MACROD1: variants seen among roughly 807,000 people sequenced by gnomAD.
MACROD1 encodes the protein ADP-ribose glycohydrolase MACROD1.
In MACROD1, 31 loss-of-function variants were observed where a neutral mutation model predicts 41.4. The observed-to-expected ratio is 0.75, with a 90% CI of 0.56 to 1.01. The LOEUF (loss-of-function observed/expected upper bound fraction) is 1.01, where lower values mean the gene tolerates loss of function less well. Among genes scored for constraint, MACROD1 ranks in the 50% least tolerant of loss-of-function variants. The pLI is 0.00. For synonymous variants in MACROD1, 252 were observed against 203.4 expected (o/e 1.24, Z -2.03); for missense variants, 473 against 460.0 (o/e 1.03, Z -0.26).
chr11:64,116,970 G>A (rs1412780216), intron 3 of MACROD1: 1 of 1,611,834 alleles, frequency 6.2e-7, no homozygotes, highest in Non-Finnish European at 8.5e-7. Flanking sequence ...TAACCTGCTG[G>A]CCAACCAGCG....
chr11:64,141,733 G>A (rs1945417090), intron 3 of MACROD1, among the ~76,000 whole-genome samples: 1 of 152,270 alleles, frequency 6.6e-6, no homozygotes, highest in African/African-American at 2.4e-5. Flanking sequence ...GAGGCCTCAA[G>A]GACAGGAAGG....
At chr11:64,021,018 C>A (rs1286152230) in intron 3 of MACROD1, among the ~76,000 whole-genome samples, 1 of 152,204 alleles carries the variant, frequency 6.6e-6, no homozygotes, top group Admixed American at 6.5e-5. Context: ...CGCCCGGCCC[C>A]CAGGTGCTTA....
At chr11:64,028,553 C>T (rs1262791055) in intron 3 of MACROD1, among the ~76,000 whole-genome samples, 1 of 152,250 alleles carries the variant, frequency 6.6e-6, no homozygotes, top group Non-Finnish European at 1.5e-5. Flanking sequence ...GCCTCAGCCC[C>T]TCTGCTCCCT....
intron 3 of MACROD1, among the ~76,000 whole-genome samples, chr11:64,052,337 AAG>A (rs1943710520): frequency 6.6e-6 from 1 of 152,150 alleles, no homozygotes. Context: ...TGACCCTGGA[AAG>A]AGTTTTTAAA....
intron 3 of MACROD1, among the ~76,000 whole-genome samples, chr11:64,150,121 C>T (rs969278843): frequency 5.3e-5 from 8 of 152,230 alleles, no homozygotes; most frequent in African/African-American, 9.6e-5. Context: ...AGTGGGAAGA[C>T]GCATAGAGCA....
At chr11:64,049,658 C>T (rs377141322) in intron 3 of MACROD1, among the ~76,000 whole-genome samples, 8 of 152,328 alleles carry the variant, frequency 5.3e-5, no homozygotes, top group Non-Finnish European at 7.4e-5. Flanking sequence ...AGGGGGTGGA[C>T]GCTGGGGGTG....
chr11:64,098,862 C>G (rs1158090978), intron 3 of MACROD1, among the ~76,000 whole-genome samples: 1 of 152,208 alleles, frequency 6.6e-6, no homozygotes, highest in East Asian at 1.9e-4. Flanking sequence ...GGGTTTCTAG[C>G]AGCACATACC....
chr11:64,065,590 C>T (rs1474163442), intron 3 of MACROD1, among the ~76,000 whole-genome samples: 3 of 151,280 alleles, frequency 2.0e-5, no homozygotes, highest in East Asian at 1.9e-4. Flanking sequence ...GAGATCAAGA[C>T]CATCCTGGCT....
intron 3 of MACROD1, among the ~76,000 whole-genome samples, chr11:64,060,968 C>A (rs901523324): frequency 6.6e-6 from 1 of 151,866 alleles, no homozygotes; most frequent in African/African-American, 2.4e-5. Flanking sequence ...GCTCCCGGGC[C>A]GCCAGGCGAC....
At chr11:64,104,003 C>T (rs989070424) in intron 3 of MACROD1, 20 of 152,328 alleles carry the variant, frequency 1.3e-4, no homozygotes, top group African/African-American at 4.8e-4. Flanking sequence ...GCCCAGTCAC[C>T]CCAGGGCTGA....
intron 3 of MACROD1, among the ~76,000 whole-genome samples, chr11:64,101,522 T>C (rs1044534625): frequency 1.3e-5 from 2 of 152,184 alleles, no homozygotes; most frequent in African/African-American, 4.8e-5. Context: ...CAAGGCCCGC[T>C]GCCCCTGCCC....
intron 3 of MACROD1, among the ~76,000 whole-genome samples, chr11:64,053,004 C>T (rs977088486): frequency 2.6e-5 from 4 of 152,248 alleles, no homozygotes; most frequent in Admixed American, 2.0e-4. Context: ...TAATTACATT[C>T]GGTTGCTTAC....
At chr11:64,147,068 T>TTTTTA (rs1945505895) in intron 3 of MACROD1, among the ~76,000 whole-genome samples, 1 of 152,262 alleles carries the variant, frequency 6.6e-6, no homozygotes, top group African/African-American at 2.4e-5. Context: ...GATTTTCTTA[T>TTTTTA]TTTTATTTGT....
chr11:64,015,504 A>G (rs1159863077), intron 3 of MACROD1, among the ~76,000 whole-genome samples: 2 of 152,076 alleles, frequency 1.3e-5, no homozygotes, highest in African/African-American at 4.8e-5. Context: ...CTGGGGACAC[A>G]GGAGAGCTAT....
chr11:64,154,489 AT>A (rs1424027304), intron 1 of MACROD1, among the ~76,000 whole-genome samples: 3 of 151,994 alleles, frequency 2.0e-5, no homozygotes, highest in African/African-American at 7.2e-5. Flanking sequence ...TCTCATCCCC[AT>A]CTGTTCCTTG....
chr11:64,046,606 C>A (rs1943588935), intron 3 of MACROD1, among the ~76,000 whole-genome samples: 1 of 152,116 alleles, frequency 6.6e-6, no homozygotes, highest in African/African-American at 2.4e-5. Context: ...GGCTAGAGGA[C>A]AAGATCATGT....
At chr11:64,111,834 G>A (rs12281255) in intron 3 of MACROD1, among the ~76,000 whole-genome samples, 7 of 152,230 alleles carry the variant, frequency 4.6e-5, no homozygotes, top group Admixed American at 1.3e-4. Context: ...GGTCAGATAA[G>A]GGTCAGAGCA....
At chr11:64,134,114 G>T (rs1439234308) in intron 3 of MACROD1, among the ~76,000 whole-genome samples, 1 of 152,240 alleles carries the variant, frequency 6.6e-6, no homozygotes, top group African/African-American at 2.4e-5. Context: ...GAAGTTCTGG[G>T]GCTAGATGAC....
In MACROD1 at chr11:64,067,398, A is replaced by G. The variant is rs76628678; in HGVS notation, c.518-52117T>C. Among the ~76,000 whole-genome samples, 2 of 152,280 alleles carry G rather than the reference A, an allele frequency of 1.3e-5. No individual in the cohort carries two copies. The highest frequency in any genetic ancestry group is 2.9e-5 in the Non-Finnish European group (2 of 68,014). ...GACGTGAAAATGAAATATAGATTCA[A>G]TACCTGAGCCTTTCAGCTCACAAAT... On this transcript the variant is annotated intron_variant, in intron 3 of 10. Coordinates refer to ENST00000255681, the MANE Select transcript of MACROD1 (RefSeq NM_014067.4). The surrounding 1 kb of genome is among the most constrained non-coding windows in gnomAD (Gnocchi z 4.6).
Sources: allele counts gnomAD v4.1 joint callset (sites outside exome capture counted in the v4.1 genomes callset), GRCh38; gene constraint gnomAD v4.1.1; non-coding constraint Gnocchi (gnomAD v3.1); transcripts MANE v1.5; gene names NCBI Gene and HGNC (gene_info 2026-07-23, HGNC 2026-07-21).